Variants in USP37 observed in about 807,000 individuals in gnomAD.
The protein encoded by USP37 is ubiquitin carboxyl-terminal hydrolase 37.
In USP37, 27 loss-of-function variants were observed where a neutral mutation model predicts 124.0. The ratio of observed to expected loss-of-function variants is 0.22; its 90% CI spans 0.16 to 0.30. The LOEUF (loss-of-function observed/expected upper bound fraction) is 0.30, where lower values mean the gene tolerates loss of function less well. USP37 is among the 10% of genes least tolerant of loss of function. The probability of loss-of-function intolerance (pLI) is 1.00; values close to 1 mark genes in which losing one functional copy is unlikely to be tolerated. For missense variants in USP37, 889 were observed against 1,140.4 expected (o/e 0.78, Z 3.17); for synonymous variants, 365 against 388.0 (o/e 0.94, Z 0.70).
At chr2:218,477,518 C>T (rs1384360424) in intron 18 of USP37, among the ~76,000 whole-genome samples, 1 of 152,116 alleles carries the variant, frequency 6.6e-6, no homozygotes, top group East Asian at 1.9e-4. Flanking sequence ...CTTAGAGGGA[C>T]CCTTTCTTTC....
At chr2:218,497,170 A>G (rs1214627848) in intron 13 of USP37, among the ~76,000 whole-genome samples, 1 of 152,034 alleles carries the variant, frequency 6.6e-6, no homozygotes, top group Non-Finnish European at 1.5e-5. Flanking sequence ...TCCCAGGTTC[A>G]AGAGATTCTC....
Position 218,474,899 on chromosome 2 carries a change from T to G in USP37, c.2044-14A>C, listed in dbSNP as rs749267427. 1.7e-5 allele frequency: 27 copies of G among 1,600,768 alleles called. No homozygotes were observed. The highest frequency in any genetic ancestry group is 2.3e-5 in the Non-Finnish European group (27 of 1,174,304). The stretch of plus-strand genomic sequence containing the variant: ...TAATTTTGAATCCTGAAGAAGAGAG[T>G]TACTTTTAGAAGAAACCAGAATACC... On this transcript the variant is annotated splice_polypyrimidine_tract_variant and intron_variant, in intron 19 of 25. Coordinates refer to ENST00000258399, the MANE Select transcript of USP37 (RefSeq NM_020935.3).
chr2:218,504,368 T>G (rs1689563066), intron 11 of USP37, among the ~76,000 whole-genome samples: 1 of 152,232 alleles, frequency 6.6e-6, no homozygotes, highest in Non-Finnish European at 1.5e-5. Context: ...AGTTTTAGAC[T>G]TTTTATATTG....
chr2:218,552,327 A>C (rs148991197), intron 5 of USP37, among the ~76,000 whole-genome samples: 1 of 152,366 alleles, frequency 6.6e-6, no homozygotes, highest in African/African-American at 2.4e-5. Flanking sequence ...TTTGTCAACT[A>C]CAAAATAGAA....
chr2:218,521,506 A>G (rs955603633), intron 10 of USP37, among the ~76,000 whole-genome samples: 1 of 151,836 alleles, frequency 6.6e-6, no homozygotes, highest in African/African-American at 2.4e-5. Context: ...CCATCCCCCA[A>G]CAGGCCCTAC....
At chr2:218,544,406 A>AAATATATATAT (rs1312705279) in intron 8 of USP37, among the ~76,000 whole-genome samples, 3 of 82,970 alleles carry the variant, frequency 3.6e-5, no homozygotes, top group African/African-American at 1.4e-4. Flanking sequence ...AAAAAAAAAA[A>AAATATATATAT]ATATATATAT....
rs561722161 is a variant in USP37 at position 218,540,793 on chromosome 2, C to T, written c.680+5428G>A. Among the ~76,000 whole-genome samples, 14 of 152,264 alleles carry T rather than the reference C, an allele frequency of 9.2e-5. No individual in the cohort carries two copies. In the South Asian group the frequency reaches 2.7e-3, roughly 29 times the overall value. ...ACATTTGCCTATGCTGTCTATGGTGCCTTGACCAGTATTACTATCCAAGGA... is the reference window on the plus strand; with the variant it reads ...ACATTTGCCTATGCTGTCTATGGTGTCTTGACCAGTATTACTATCCAAGGA... On this transcript the variant is annotated intron_variant, in intron 8 of 25. Transcript: ENST00000258399.
At chr2:218,528,623 A>G (rs1574929729) in intron 10 of USP37, 1 of 400,952 alleles carries the variant, frequency 2.5e-6, no homozygotes, top group Non-Finnish European at 4.4e-6. Flanking sequence ...TTATGGCTGC[A>G]TAGTATTCCA....
chr2:218,500,990 G>T, intron 11 of USP37: 1 of 164,764 alleles, frequency 6.1e-6, no homozygotes. Context: ...AATCAACCCT[G>T]GTGAACAACG....
At chr2:218,512,940 A>T (rs1690081234) in intron 10 of USP37, among the ~76,000 whole-genome samples, 1 of 152,066 alleles carries the variant, frequency 6.6e-6, no homozygotes, top group South Asian at 2.1e-4. Context: ...TTGTATCAGT[A>T]ATGTCAGTAC....
At chr2:218,495,605 G>A (rs1689041920) in intron 14 of USP37, among the ~76,000 whole-genome samples, 155 bp downstream of exon 14, 1 of 152,190 alleles carries the variant, frequency 6.6e-6, no homozygotes, top group African/African-American at 2.4e-5. Context: ...GCAATAAGCT[G>A]GGGTTGTGCC....
chr2:218,544,978 G>T (rs992832894), intron 8 of USP37, among the ~76,000 whole-genome samples: 4 of 152,236 alleles, frequency 2.6e-5, no homozygotes, highest in East Asian at 3.9e-4. Context: ...AGAGAAGACC[G>T]CACCCAGAGA....
At chr2:218,519,986 G>A (rs1690514123) in intron 10 of USP37, among the ~76,000 whole-genome samples, 1 of 152,074 alleles carries the variant, frequency 6.6e-6, no homozygotes, top group Non-Finnish European at 1.5e-5. Flanking sequence ...CACCCATGCT[G>A]GAGTACAATG....
rs773393924 is a variant in USP37 at position 218,509,970 on chromosome 2, T to C, written c.1025+9A>G. The C allele has an allele frequency of 4.6e-6, 7 of 1,515,696 alleles. No individual in the cohort carries two copies. The highest frequency in any genetic ancestry group is 2.7e-5 in the South Asian group (2 of 73,488). 93.9% of individuals were successfully genotyped at this position (1,515,696 alleles called of 1,614,324 possible). On this transcript the variant is annotated intron_variant, in intron 11 of 25. Transcript: ENST00000258399. ...TAAAAAAGAAAGTAAAATGAAAGAA[T>C]TGACCTACCCCTGCAGTTGCTGCTG...
At chr2:218,467,229 A>G (rs1394987614) in intron 20 of USP37, among the ~76,000 whole-genome samples, 4 of 147,280 alleles carry the variant, frequency 2.7e-5, no homozygotes, top group African/African-American at 1.0e-4. Context: ...GCTCACTGCA[A>G]CCTCCACCTC....
intron 8 of USP37, among the ~76,000 whole-genome samples, chr2:218,543,122 T>C (rs977733809): frequency 2.0e-5 from 3 of 152,220 alleles, no homozygotes; most frequent in African/African-American, 7.2e-5. Context: ...CTGGTCTGTG[T>C]TAGTGCTTCT....
At chr2:218,538,712 A>C (rs1313382450) in intron 8 of USP37, among the ~76,000 whole-genome samples, 1 of 152,180 alleles carries the variant, frequency 6.6e-6, no homozygotes, top group Non-Finnish European at 1.5e-5. Flanking sequence ...CCCTTGAGAA[A>C]ACCAGTCATT....
intron 5 of USP37, among the ~76,000 whole-genome samples, chr2:218,551,392 C>T (rs1425910289): frequency 6.6e-6 from 1 of 152,212 alleles, no homozygotes; most frequent in African/African-American, 2.4e-5. Context: ...TACTGAGTGC[C>T]TAGCATAGGG....
rs1215402128 is a variant in USP37 at position 218,474,635 on chromosome 2, T to G, written c.2294A>C (p.Glu765Ala). Residue 765 changes from glutamate to alanine, a missense_variant, in exon 20 of 26, where the codon GAG becomes GCG. By Grantham distance (107) the Glu-to-Ala change is moderately radical. Transcript: ENST00000258399. ...METEKPKTIT[E>A]LDPASFTEIT... ...TTAATCTTCATTAAACCTACCCAGC[T>G]CTGTGATTGTTTTGGGCTTCTCAGT... The G allele has an allele frequency of 6.2e-7, 1 of 1,614,166 alleles. No homozygotes were observed. Among genetic ancestry groups the G allele is most frequent in the East Asian group, 2.2e-5 (1 of 44,884 alleles).
Sources: gnomAD v4.1 joint callset for allele counts (sites outside exome capture counted in the v4.1 genomes callset) on GRCh38, gnomAD v4.1.1 for gene constraint, MANE v1.5 for transcripts, NCBI Gene and HGNC (gene_info 2026-07-23, HGNC 2026-07-21) for gene names.